Variants in ECE1 observed in about 807,000 individuals in gnomAD.
ECE1 encodes endothelin-converting enzyme 1.
In ECE1, 35 loss-of-function variants were observed where a neutral mutation model predicts 98.6. The ratio of observed to expected loss-of-function variants is 0.35; its 90% CI spans 0.27 to 0.47. ECE1 has a LOEUF of 0.47. Ranked by LOEUF, ECE1 falls within the 20% of genes least tolerant of loss-of-function variation. The pLI is 1.00. For synonymous variants in ECE1, 394 were observed against 407.1 expected, an observed-to-expected ratio of 0.97 and a Z score of 0.39; for missense variants, 814 against 1,025.3, an observed-to-expected ratio of 0.79 and a Z score of 2.81.
intron 16 of ECE1, among the ~76,000 whole-genome samples, chr1:21,226,807 C>T (rs996296170): frequency 1.3e-5 from 2 of 152,186 alleles, no homozygotes; most frequent in African/African-American, 4.8e-5. Context: ...CTCACTGCAA[C>T]CTCCGCCTCC....
chr1:21,254,003 A>C (rs1409295551), intron 8 of ECE1, among the ~76,000 whole-genome samples: 1 of 144,248 alleles, frequency 6.9e-6, no homozygotes, highest in Non-Finnish European at 1.5e-5. Flanking sequence ...TGGGAGGCAG[A>C]GGTTGCAGTA....
chr1:21,272,324 C>G (rs1203552956), intron 4 of ECE1, among the ~76,000 whole-genome samples: 1 of 152,234 alleles, frequency 6.6e-6, no homozygotes, highest in Non-Finnish European at 1.5e-5. Context: ...AAGAGTCTCA[C>G]TCTGTTGCCC....
chr1:21,228,792 A>T (rs1397199921), intron 14 of ECE1, among the ~76,000 whole-genome samples: 2 of 151,672 alleles, frequency 1.3e-5, no homozygotes, highest in East Asian at 1.9e-4. Flanking sequence ...ATCTCAAAAA[A>T]AAAAGAAAAA....
At position 21,260,849 on chromosome 1, in the gene ECE1, T is replaced by G. The variant is rs1013856492; in HGVS notation, c.494-457A>C. On this transcript the variant is annotated intron_variant, in intron 4 of 18. Coordinates refer to ENST00000374893, the MANE Select transcript of ECE1 (RefSeq NM_001397.3). This position sits in a 1 kb window ranked among gnomAD's most constrained non-coding sequence, Gnocchi z 4.3. ...GGAAACTCAAAAGGCTCATTCATTA[T>G]GAATTTACTTTTTGCTTCCTCCTTG... Among the ~76,000 whole-genome samples, 2 of 152,216 alleles carry G rather than the reference T, an allele frequency of 1.3e-5. No homozygotes were observed.
At position 21,233,657 on chromosome 1, in the gene ECE1, G is replaced by A. The variant is rs1312384389; in HGVS notation, c.1571C>T (p.Thr524Ile). The change falls in exon 14 of 19, where the codon ACT becomes ATT. Residue 524 changes from threonine (T) to isoleucine (I), a missense_variant. Coordinates refer to ENST00000374893, the MANE Select transcript of ECE1 (RefSeq NM_001397.3). This position sits in a 1 kb window ranked among gnomAD's most constrained non-coding sequence, Gnocchi z 4.0. ...TTCAAAGTAGAGGTCTGGAACTGCAGTGTACTAGAAAAGAAGAAGTGGAGT... is the reference window on the plus strand; with the variant it reads ...TTCAAAGTAGAGGTCTGGAACTGCAATGTACTAGAAAAGAAGAAGTGGAGT... Reference protein sequence around the residue: ...KELDKVFNDYTAVPDLYFENA... With the variant: ...KELDKVFNDYIAVPDLYFENA... 1.2e-6 allele frequency: 2 copies of A among 1,613,688 alleles called. No homozygotes were observed. Among genetic ancestry groups the A allele is most frequent in the African/African-American group, 1.3e-5 (1 of 74,922 alleles).
intron 1 of ECE1, among the ~76,000 whole-genome samples, chr1:21,335,892 G>C (rs1639297401): frequency 6.6e-6 from 1 of 152,198 alleles, no homozygotes; most frequent in Non-Finnish European, 1.5e-5. Context: ...GGACTTGCCT[G>C]AGGTCACACA....
intron 1 of ECE1, among the ~76,000 whole-genome samples, chr1:21,341,113 T>C (rs1054734246): frequency 6.6e-6 from 1 of 151,820 alleles, no homozygotes; most frequent in Non-Finnish European, 1.5e-5. Flanking sequence ...CAGGGAGCCT[T>C]TTCTGATCCT....
At chr1:21,222,516 G>A (rs1558363100) in intron 17 of ECE1, among the ~76,000 whole-genome samples, 1 of 152,108 alleles carries the variant, frequency 6.6e-6, no homozygotes, top group Non-Finnish European at 1.5e-5. Flanking sequence ...GGTCACCGCT[G>A]CAATGACTCA....
chr1:21,236,311 G>A (rs1431436837), intron 12 of ECE1, among the ~76,000 whole-genome samples: 3 of 152,346 alleles, frequency 2.0e-5, no homozygotes, highest in East Asian at 3.9e-4. Flanking sequence ...GGCCTAGACC[G>A]CTCACCCGCT....
intron 1 of ECE1, among the ~76,000 whole-genome samples, chr1:21,341,763 G>C (rs1401677109): frequency 1.3e-5 from 2 of 152,116 alleles, no homozygotes; most frequent in Non-Finnish European, 2.9e-5. Flanking sequence ...TGACGTGGGG[G>C]CATGTGGTTA....
intron 1 of ECE1, among the ~76,000 whole-genome samples, chr1:21,301,856 G>GAAAA: frequency 7.3e-6 from 1 of 137,764 alleles, no homozygotes; most frequent in African/African-American, 2.7e-5. Flanking sequence ...AAAAAAAAAG[G>GAAAA]CCAATTCAAC....
chr1:21,255,968 T>A lies in ECE1; in HGVS notation c.999A>T (p.Lys333Asn). The A allele has an allele frequency of 6.2e-7, 1 of 1,614,146 alleles. No individual in the cohort carries two copies. The highest frequency in any genetic ancestry group is 8.5e-7 in the Non-Finnish European group (1 of 1,180,002). ...TTACCTGCAGCTCGGCTGCCGTCACTTTGTGGTAGATGAGCTCCTCATCAC... is the reference window on the plus strand; with the variant it reads ...TTACCTGCAGCTCGGCTGCCGTCACATTGTGGTAGATGAGCTCCTCATCAC... ...KRRDEELIYH[K>N]VTAAELQTLA... Residue 333 changes from lysine (K) to asparagine (N), a missense_variant, in exon 8 of 19, where the codon AAA becomes AAT. Physicochemically the swap from Lys to Asn is moderately conservative, Grantham distance 94 (BLOSUM62 0). This residue lies in a region of ECE1 where 105 missense variants were observed against 179.1 expected (regional missense o/e 0.59). Coordinates refer to ENST00000374893, the MANE Select transcript of ECE1 (RefSeq NM_001397.3).
Position 21,258,702 on chromosome 1 carries a change from G to A in ECE1, c.753C>T (p.Asn251=), listed in dbSNP as rs750792499. The change falls in exon 6 of 19, where the codon AAC becomes AAT. Residue 251 remains asparagine (N), a synonymous_variant. Transcript: ENST00000374893. The surrounding 1 kb of genome is among the most constrained non-coding windows in gnomAD (Gnocchi z 4.2). ...VSADSKNSNS[N]VIQVDQSGLG... is the part of the protein sequence containing the mutation. Reference sequence around the variant, plus strand: ...GTTCAAGCTAGCTCACCTGGATCACGTTGCTGTTGGAGTTCTTGGAATCGG... The same window carrying A: ...GTTCAAGCTAGCTCACCTGGATCACATTGCTGTTGGAGTTCTTGGAATCGG... The A allele has an allele frequency of 8.1e-6, 13 of 1,609,436 alleles. No individual in the cohort carries two copies. The highest frequency in any genetic ancestry group is 3.3e-5 in the Admixed American group (2 of 59,836).
chr1:21,316,475 T>C (rs1439371312), intron 1 of ECE1, among the ~76,000 whole-genome samples: 3 of 152,070 alleles, frequency 2.0e-5, no homozygotes, highest in African/African-American at 7.2e-5. Context: ...GGTTTCACCA[T>C]GTTGGCCAGG....
At chr1:21,301,270 G>A (rs1456437027) in intron 1 of ECE1, among the ~76,000 whole-genome samples, 3 of 152,102 alleles carry the variant, frequency 2.0e-5, no homozygotes, top group Non-Finnish European at 2.9e-5. Context: ...CGAGGCGGGC[G>A]GATCACGAGG....
intron 2 of ECE1, among the ~76,000 whole-genome samples, chr1:21,288,356 G>C (rs2098262868): frequency 6.6e-6 from 1 of 152,204 alleles, no homozygotes; most frequent in Admixed American, 6.5e-5. Flanking sequence ...TAATATGTAT[G>C]ACATCCACTT....
chr1:21,317,468 C>T (rs534693367), intron 1 of ECE1, among the ~76,000 whole-genome samples: 4 of 152,330 alleles, frequency 2.6e-5, no homozygotes, highest in African/African-American at 9.6e-5. Flanking sequence ...CAAGGCCAGT[C>T]CAGCCCGCGG....
chr1:21,265,032 C>A (rs963886119), intron 4 of ECE1, among the ~76,000 whole-genome samples: 1 of 152,210 alleles, frequency 6.6e-6, no homozygotes, highest in Admixed American at 6.5e-5. Context: ...CTTCTCTTTA[C>A]AATCCTATCA....
intron 14 of ECE1, among the ~76,000 whole-genome samples, chr1:21,229,779 TC>T (rs1269762801): frequency 2.6e-5 from 4 of 152,184 alleles, no homozygotes; most frequent in African/African-American, 9.6e-5. Context: ...ACCATTGTTT[TC>T]CAAATGACTA....
Sources: allele counts gnomAD v4.1 joint callset (sites outside exome capture counted in the v4.1 genomes callset), GRCh38; gene constraint gnomAD v4.1.1; regional missense constraint gnomAD v4.1.1; non-coding constraint Gnocchi (gnomAD v3.1); transcripts MANE v1.5; gene names NCBI Gene and HGNC (gene_info 2026-07-23, HGNC 2026-07-21).